Variants in FHIT observed in about 807,000 individuals in gnomAD.
The protein encoded by FHIT is fragile histidine triad diadenosine triphosphatase, also known as bis(5'-adenosyl)-triphosphatase.
FHIT carries 19 observed loss-of-function variants against 17.9 expected under a neutral mutation model. That is an observed-to-expected ratio of 1.06 (90% CI 0.74 to 1.56). The LOEUF (loss-of-function observed/expected upper bound fraction) is 1.56. Among genes scored for constraint, FHIT ranks in the 40% most tolerant of loss-of-function variants. The pLI is 0.00. For synonymous variants in FHIT, 81 were observed against 69.7 expected, an observed-to-expected ratio of 1.16 and a Z score of -0.81; for missense variants, 248 against 189.2, an observed-to-expected ratio of 1.31 and a Z score of -1.82.
rs144847994 is a variant in FHIT, at chr3:60,437,485, G to A, written c.103+99375C>T. Among the ~76,000 whole-genome samples the A allele has an allele frequency of 5.0e-3, 763 of 152,072 alleles. 6 individuals carry two copies. Among genetic ancestry groups the A allele is most frequent in the African/African-American group, 0.018 (731 of 41,514 alleles). ...ACTTGCTGAATCCTGCTCTATGCCC[G>A]CCATGACACATCATCATCACTACTG... On this transcript the variant is annotated intron_variant, in intron 5 of 9. Transcript: ENST00000492590.
At chr3:60,557,472 G>A (rs1177768551) in intron 4 of FHIT, among the ~76,000 whole-genome samples, 1 of 151,998 alleles carries the variant, frequency 6.6e-6, no homozygotes, top group Non-Finnish European at 1.5e-5. Context: ...GCTACCCACA[G>A]AGTCTGTCTG....
At chr3:60,699,782 T>C (rs1289312547) in intron 4 of FHIT, among the ~76,000 whole-genome samples, 7 of 142,106 alleles carry the variant, frequency 4.9e-5, no homozygotes, top group African/African-American at 1.7e-4. Flanking sequence ...CATACACACA[T>C]ACACACACAC....
chr3:61,148,074 C>T (rs1327584051), intron 2 of FHIT, among the ~76,000 whole-genome samples: 1 of 151,072 alleles, frequency 6.6e-6, no homozygotes, highest in Non-Finnish European at 1.5e-5. Flanking sequence ...AAACTATGCC[C>T]AGACAAAAGA....
intron 6 of FHIT, 71 bp downstream of exon 6, chr3:60,013,936 C>T: frequency 6.7e-7 from 1 of 1,482,482 alleles, no homozygotes; most frequent in Non-Finnish European, 9.3e-7. Context: ...GGTAAGATAT[C>T]AGGAGGAGCA....
intron 5 of FHIT, among the ~76,000 whole-genome samples, chr3:60,321,467 T>C (rs1380631695): frequency 6.7e-6 from 1 of 149,422 alleles, no homozygotes; most frequent in African/African-American, 2.5e-5. Context: ...AGATCAAGAC[T>C]AGGTCTCAAA....
intron 5 of FHIT, among the ~76,000 whole-genome samples, chr3:60,197,445 T>C (rs1045087648): frequency 2.6e-5 from 4 of 152,242 alleles, no homozygotes; most frequent in African/African-American, 7.2e-5. Context: ...CCTTGCATTA[T>C]ATTTATTTTA....
At chr3:60,782,334 T>C (rs562855799) in intron 4 of FHIT, among the ~76,000 whole-genome samples, 19 of 151,946 alleles carry the variant, frequency 1.3e-4, no homozygotes, top group African/African-American at 4.3e-4. Flanking sequence ...TTGGCAAGGA[T>C]ATGGAGAAAG....
chr3:60,468,611 T>C (rs2032923765), intron 5 of FHIT, among the ~76,000 whole-genome samples: 2 of 152,110 alleles, frequency 1.3e-5, no homozygotes, highest in South Asian at 4.1e-4. Flanking sequence ...TAACTTTTTG[T>C]TGTTTCTGTT....
intron 5 of FHIT, among the ~76,000 whole-genome samples, chr3:60,131,642 T>C (rs1699601092): frequency 6.6e-6 from 1 of 152,108 alleles, no homozygotes; most frequent in Non-Finnish European, 1.5e-5. Flanking sequence ...CCTTCTCTTT[T>C]GCCTAAGAAG....
rs1415744036 is a variant in FHIT at position 59,748,384 on chromosome 3, A to C, written c.*1201T>G. Among the ~76,000 whole-genome samples, 1 of 152,110 alleles carries C rather than the reference A, an allele frequency of 6.6e-6. No individual in the cohort carries two copies. The highest frequency in any genetic ancestry group is 1.5e-5 in the Non-Finnish European group (1 of 68,006). On this transcript the variant is annotated 3_prime_UTR_variant, in exon 10 of 10. Coordinates refer to ENST00000492590, the MANE Select transcript of FHIT (RefSeq NM_002012.4). ...ATGTGGTCAGATGGTAAAGAAAAGAAAGTGGGAGGGTAGCCTAGGCAGGAT... is the reference window on the plus strand; with the variant it reads ...ATGTGGTCAGATGGTAAAGAAAAGACAGTGGGAGGGTAGCCTAGGCAGGAT...
intron 3 of FHIT, among the ~76,000 whole-genome samples, chr3:60,883,437 G>T (rs1705062844): frequency 6.6e-6 from 1 of 152,148 alleles, no homozygotes; most frequent in South Asian, 2.1e-4. Flanking sequence ...AACAAAGCTG[G>T]AGGTAGCACA....
intron 4 of FHIT, among the ~76,000 whole-genome samples, chr3:60,659,977 T>C (rs2040202346): frequency 6.6e-6 from 1 of 152,208 alleles, no homozygotes; most frequent in South Asian, 2.1e-4. Context: ...GTGCTGAGGA[T>C]AAGCCTGAGA....
intron 8 of FHIT, among the ~76,000 whole-genome samples, chr3:59,778,419 T>A (rs772672069): frequency 6.6e-6 from 1 of 152,188 alleles, no homozygotes; most frequent in African/African-American, 2.4e-5. Flanking sequence ...CCTGGCCTCA[T>A]AGAGCTTGTA....
chr3:59,805,337 T>C (rs937220317), intron 8 of FHIT, among the ~76,000 whole-genome samples: 41 of 152,134 alleles, frequency 2.7e-4, no homozygotes, highest in African/African-American at 9.7e-4. Context: ...AGGACATGCT[T>C]CCCCAAAATA....
intron 4 of FHIT, among the ~76,000 whole-genome samples, chr3:60,585,133 T>A (rs1275450759): frequency 6.6e-6 from 1 of 151,892 alleles, no homozygotes; most frequent in African/African-American, 2.4e-5. Context: ...AGGGATTATA[T>A]CCCTCCCTAT....
At chr3:60,411,064 C>T (rs1236111648) in intron 5 of FHIT, among the ~76,000 whole-genome samples, 3 of 152,054 alleles carry the variant, frequency 2.0e-5, no homozygotes, top group Non-Finnish European at 4.4e-5. Flanking sequence ...ACCCCTTATA[C>T]CTATATATCT....
chr3:60,610,737 A>G (rs1366932558), intron 4 of FHIT, among the ~76,000 whole-genome samples: 2 of 152,194 alleles, frequency 1.3e-5, no homozygotes, highest in African/African-American at 4.8e-5. Flanking sequence ...ATCGCTGCAC[A>G]TTTTTAAGAT....
chr3:60,532,695 G>A (rs1228579075), intron 5 of FHIT, among the ~76,000 whole-genome samples: 4 of 152,188 alleles, frequency 2.6e-5, no homozygotes, highest in African/African-American at 4.8e-5. Context: ...GAACAGAAGC[G>A]TTTGCTTCAG....
chr3:60,901,927 A>T (rs1706134324), intron 3 of FHIT, among the ~76,000 whole-genome samples: 2 of 151,964 alleles, frequency 1.3e-5, no homozygotes, highest in South Asian at 4.1e-4. Flanking sequence ...CGCGTTGGGG[A>T]TTTTTGTTTT....
Sources: allele counts gnomAD v4.1 joint callset (sites outside exome capture counted in the v4.1 genomes callset), GRCh38; gene constraint gnomAD v4.1.1; transcripts MANE v1.5; gene names NCBI Gene and HGNC (gene_info 2026-07-23, HGNC 2026-07-21).